The following ITPK1 variants were observed in gnomAD, a reference collection of about 807,000 sequenced individuals.
ITPK1 encodes the protein inositol-tetrakisphosphate 1-kinase.
Under a neutral mutation model 45.3 loss-of-function variants are expected in ITPK1, and 21 were observed. The observed-to-expected ratio is 0.46, with a 90% CI of 0.33 to 0.67. ITPK1 has a LOEUF of 0.67. Among genes scored for constraint, ITPK1 ranks in the 30% least tolerant of loss-of-function variants. The pLI, the probability that ITPK1 is intolerant of heterozygous loss-of-function variation, is 0.02. For synonymous variants in ITPK1, 258 were observed against 253.6 expected (o/e 1.02, Z -0.16); for missense variants, 474 against 573.5 (o/e 0.83, Z 1.77).
intron 7 of ITPK1, among the ~76,000 whole-genome samples, 199 bp downstream of exon 7, chr14:92,962,156 G>A (rs923504567): frequency 6.6e-6 from 1 of 152,234 alleles, no homozygotes; most frequent in African/African-American, 2.4e-5. Flanking sequence ...AGGTGAGGTT[G>A]CAGACAGTGC....
intron 4 of ITPK1, among the ~76,000 whole-genome samples, chr14:92,998,359 C>T (rs1249259954): frequency 6.6e-6 from 1 of 152,230 alleles, no homozygotes; most frequent in Non-Finnish European, 1.5e-5. Context: ...GGCTGTGGTT[C>T]TGGCCCATGC....
At chr14:93,046,003 C>T (rs561633963) in intron 3 of ITPK1, among the ~76,000 whole-genome samples, 28 of 152,218 alleles carry the variant, frequency 1.8e-4, no homozygotes, top group Non-Finnish European at 3.8e-4. Context: ...ACGGGTCCAC[C>T]AGTGGTCTGT....
At chr14:93,086,033 T>A (rs1019107573) in intron 2 of ITPK1, among the ~76,000 whole-genome samples, 1 of 151,962 alleles carries the variant, frequency 6.6e-6, no homozygotes, top group Non-Finnish European at 1.5e-5. Context: ...AATGATTCAG[T>A]TGGTTCTCTT....
At position 93,012,483 on chromosome 14, in the gene ITPK1, G is replaced by C. The variant is rs1319821135; in HGVS notation, c.246+4193C>G. Among the ~76,000 whole-genome samples, 1 of 152,178 alleles carries C rather than the reference G, an allele frequency of 6.6e-6. No homozygotes were observed. Among genetic ancestry groups the C allele is most frequent in the Non-Finnish European group, 1.5e-5 (1 of 68,032 alleles). On this transcript the variant is annotated intron_variant, in intron 4 of 10. Coordinates refer to ENST00000267615, the MANE Select transcript of ITPK1 (RefSeq NM_014216.6). The surrounding 1 kb of genome is among the most constrained non-coding windows in gnomAD (Gnocchi z 4.9). ...GTGGGGCAGATCACCGAGGCCCCAT[G>C]GGTCAAGCTGGCAATCATGGCCTTC...
chr14:92,949,118 G>A (rs1887836552), intron 9 of ITPK1, among the ~76,000 whole-genome samples: 1 of 150,538 alleles, frequency 6.6e-6, no homozygotes, highest in Non-Finnish European at 1.5e-5. Flanking sequence ...TTTTGAGACA[G>A]GGCCTTGCTC....
intron 3 of ITPK1, among the ~76,000 whole-genome samples, chr14:93,061,429 A>C (rs1402508962): frequency 6.6e-6 from 1 of 152,104 alleles, no homozygotes; most frequent in Non-Finnish European, 1.5e-5. Flanking sequence ...AAGGGGAGAA[A>C]AGTCCATGGG....
At chr14:92,944,279 G>A (rs1022136705) in intron 10 of ITPK1, among the ~76,000 whole-genome samples, 3 of 152,026 alleles carry the variant, frequency 2.0e-5, no homozygotes, top group Admixed American at 6.5e-5. Flanking sequence ...ATGGTAAGGC[G>A]GACACACTGA....
Position 92,981,603 on chromosome 14 carries a change from T to TG in ITPK1, c.364+12276_364+12277insC, listed in dbSNP as rs543278643. Among the ~76,000 whole-genome samples the TG allele has an allele frequency of 3.2e-3, 488 of 152,286 alleles. 2 individuals carry two copies. The highest frequency in any genetic ancestry group is 5.7e-3 in the Non-Finnish European group (388 of 68,022). ...AGCCTCCCCCAGTGCATCTCCTTCT[T>TG]ATGTATCTGATTCTTGAAAACATTC... On this transcript the variant is annotated intron_variant, in intron 5 of 10. Coordinates refer to ENST00000267615, the MANE Select transcript of ITPK1 (RefSeq NM_014216.6).
At chr14:92,945,121 G>A (rs567152962) in intron 10 of ITPK1, among the ~76,000 whole-genome samples, 1 of 152,360 alleles carries the variant, frequency 6.6e-6, no homozygotes, top group African/African-American at 2.4e-5. Flanking sequence ...CCAGACAGGG[G>A]TGAGCTCTCC....
rs71123389 is a variant in ITPK1, at chr14:93,103,099, CA to C, written c.95+11969del. Among the ~76,000 whole-genome samples the C allele has an allele frequency of 3.1e-3, 216 of 68,880 alleles. 2 individuals carry two copies. Among genetic ancestry groups the C allele is most frequent in the Middle Eastern group, 8.6e-3 (1 of 116 alleles). The allele number at this position is 68,880 out of a possible 152,430, so 45.2% of individuals were successfully genotyped here. A position where few individuals can be genotyped will look rare whatever the true frequency, so the allele number is the denominator to read the frequency against. ...TGGGCGACAAAGCAAGACTCCATCT[CA>C]AAAAAAAAAAAAAAAAAGAAAGAAA... On this transcript the variant is annotated intron_variant, in intron 2 of 10. Transcript: ENST00000267615.
intron 3 of ITPK1, among the ~76,000 whole-genome samples, chr14:93,022,145 G>C (rs1375765619): frequency 6.6e-6 from 1 of 152,104 alleles, no homozygotes; most frequent in African/African-American, 2.4e-5. Context: ...TCTCAGGATG[G>C]GCCAGTCCTG....
At chr14:93,105,341 G>T (rs1892478294) in intron 2 of ITPK1, among the ~76,000 whole-genome samples, 1 of 152,188 alleles carries the variant, frequency 6.6e-6, no homozygotes, top group African/African-American at 2.4e-5. Flanking sequence ...CCCCACGCCT[G>T]ACAGTTTTGG....
chr14:92,940,221 C>T lies in ITPK1; in HGVS notation c.*1340G>A, dbSNP rs995906893. Reference sequence around the variant, plus strand: ...CCATCTCACTGGGCAGAGGACAGCCCGGAAGCCTTTTTCACTTTTTCAAAG... The same window carrying T: ...CCATCTCACTGGGCAGAGGACAGCCTGGAAGCCTTTTTCACTTTTTCAAAG... On this transcript the variant is annotated 3_prime_UTR_variant, in exon 11 of 11. Transcript: ENST00000267615. 8.1e-6 allele frequency: 8 copies of T among 986,480 alleles called. No individual in the cohort carries two copies. The highest frequency in any genetic ancestry group is 1.1e-4 in the East Asian group (1 of 8,838). 61.1% of individuals were successfully genotyped at this position (986,480 alleles called of 1,614,324 possible).
chr14:92,973,353 C>CCAGTT (rs1316575928), intron 5 of ITPK1, among the ~76,000 whole-genome samples: 1 of 152,160 alleles, frequency 6.6e-6, no homozygotes, highest in East Asian at 1.9e-4. Flanking sequence ...GGAGGGAAGC[C>CCAGTT]CAGTGTTGGC....
intron 3 of ITPK1, among the ~76,000 whole-genome samples, chr14:93,040,094 T>C (rs1007995924): frequency 6.6e-6 from 1 of 152,250 alleles, no homozygotes; most frequent in Admixed American, 6.5e-5. Context: ...AGCCAATGTT[T>C]TGTTCTTTTT....
At position 93,034,341 on chromosome 14, in the gene ITPK1, C is replaced by A. The variant is rs1566747345; in HGVS notation, c.121-17540G>T. ...CCTGACCAGAGGCAAAGTGACTGGG[C>A]TCACAAAATGCAAAAAGGCTCCTGA... is the stretch of plus-strand genomic sequence containing the variant. On this transcript the variant is annotated intron_variant, in intron 3 of 10. Transcript: ENST00000267615. The surrounding 1 kb of genome is among the most constrained non-coding windows in gnomAD (Gnocchi z 4.1). Among the ~76,000 whole-genome samples the A allele has an allele frequency of 6.6e-6, 1 of 150,614 alleles. No individual in the cohort carries two copies.
At chr14:92,987,068 T>C (rs551556918) in intron 5 of ITPK1, among the ~76,000 whole-genome samples, 1 of 152,300 alleles carries the variant, frequency 6.6e-6, no homozygotes, top group Non-Finnish European at 1.5e-5. Flanking sequence ...TTAGGAGGCC[T>C]GGACCTGACA....
chr14:93,075,820 G>A (rs1198740130), intron 3 of ITPK1, among the ~76,000 whole-genome samples: 8 of 152,010 alleles, frequency 5.3e-5, no homozygotes, highest in East Asian at 1.9e-4. Flanking sequence ...GATGAGGCCC[G>A]TAAGACAAGG....
At position 93,083,364 on chromosome 14, in the gene ITPK1, G is replaced by A; in HGVS notation, c.96-6745C>T. Among the ~76,000 whole-genome samples, 2 of 152,138 alleles carry A rather than the reference G, an allele frequency of 1.3e-5. 1 individual carries two copies. Among genetic ancestry groups the A allele is most frequent in the East Asian group, 3.9e-4 (2 of 5,186 alleles). ...TCTCAGCTTTCATATCCGTTAAAAG[G>A]ATATGACCTTTCCCACCCAAGAGGC... is the stretch of plus-strand genomic sequence containing the variant. On this transcript the variant is annotated intron_variant, in intron 2 of 10. Coordinates refer to ENST00000267615, the MANE Select transcript of ITPK1 (RefSeq NM_014216.6).
Sources: gnomAD v4.1 joint callset for allele counts (sites outside exome capture counted in the v4.1 genomes callset) on GRCh38, gnomAD v4.1.1 for gene constraint, Gnocchi (gnomAD v3.1) non-coding constraint, MANE v1.5 for transcripts, NCBI Gene and HGNC (gene_info 2026-07-23, HGNC 2026-07-21) for gene names.